GABPB2: variants seen among roughly 807,000 people sequenced by gnomAD.
GABPB2 encodes the protein GA binding protein transcription factor subunit beta 2.
Under a neutral mutation model 39.1 loss-of-function variants are expected in GABPB2, and 23 were observed. The ratio of observed to expected loss-of-function variants is 0.59; its 90% confidence interval spans 0.42 to 0.83. The LOEUF (loss-of-function observed/expected upper bound fraction) is 0.83, where lower values mean the gene tolerates loss of function less well. Ranked by LOEUF, GABPB2 falls within the 40% of genes least tolerant of loss-of-function variation. GABPB2 has a pLI of 0.00. For missense variants in GABPB2, 467 were observed against 541.1 expected (o/e 0.86, Z 1.36); for synonymous variants, 184 against 199.3 (o/e 0.92, Z 0.65).
rs141101265 is a variant in GABPB2 at position 151,100,289 on chromosome 1, C to T, written c.622+2287C>T. On this transcript the variant is annotated intron_variant, in intron 5 of 8. Transcript: ENST00000368918. ...CCTCCCGAGTAGCTGGGATTACAGG[C>T]GCCTGCCACCATGCCTGGCTAATTT... 4.4e-3 allele frequency among the ~76,000 whole-genome samples: 674 copies of T among 152,012 alleles called. 4 individuals carry two copies. Among genetic ancestry groups the T allele is most frequent in the African/African-American group, 0.015 (643 of 41,496 alleles).
chr1:151,078,286 AAG>A (rs1253300794), intron 1 of GABPB2, among the ~76,000 whole-genome samples: 7 of 149,994 alleles, frequency 4.7e-5, no homozygotes, highest in African/African-American at 7.4e-5. Flanking sequence ...AAAAAAAAAA[AAG>A]AGTAAGAATA....
rs1045265719 is a variant in GABPB2, at chr1:151,113,545, A to T, written c.923-3847A>T. ...CTGGCCAAATCTTCTGTTTTAAAAT[A>T]ATCATAATATATCCTAAAACGTAAA... On this transcript the variant is annotated intron_variant, in intron 7 of 8. Coordinates refer to ENST00000368918, the MANE Select transcript of GABPB2 (RefSeq NM_144618.3). Among the ~76,000 whole-genome samples, 67 of 152,238 alleles carry T rather than the reference A, an allele frequency of 4.4e-4. 1 individual carries two copies. The highest frequency in any genetic ancestry group is 1.6e-3 in the African/African-American group (66 of 41,554).
intron 1 of GABPB2, 86 bp from the exon 2 acceptor site, chr1:151,088,104 A>G (rs1170128300): frequency 3.4e-6 from 3 of 881,230 alleles, no homozygotes; most frequent in Non-Finnish European, 5.5e-6. Flanking sequence ...ACATTCAAAT[A>G]TAAGAAGTCT....
chr1:151,122,164 C>CA lies in GABPB2; in HGVS notation c.*3913dup, dbSNP rs1162052340. ...GAATTGGTTATTAGAGATTTATAGG[C>CA]AAAAATATCAGTTTGGAAATTAACC... On this transcript the variant is annotated 3_prime_UTR_variant, in exon 9 of 9. Transcript: ENST00000368918. The CA allele has an allele frequency of 6.6e-6, 1 of 152,068 alleles. No individual in the cohort carries two copies. Among genetic ancestry groups the CA allele is most frequent in the Non-Finnish European group, 1.5e-5 (1 of 68,020 alleles). The allele number at this position is 152,068 out of a possible 1,614,324, so 9.4% of individuals were successfully genotyped here.
intron 7 of GABPB2, among the ~76,000 whole-genome samples, chr1:151,108,732 A>G (rs185301593): frequency 3.7e-4 from 57 of 152,296 alleles, no homozygotes; most frequent in Non-Finnish European, 6.9e-4. Flanking sequence ...AGGGAGGGCA[A>G]TTGGGTACTA....
chr1:151,087,201 G>A (rs1279130836), intron 1 of GABPB2, among the ~76,000 whole-genome samples: 1 of 151,242 alleles, frequency 6.6e-6, no homozygotes, highest in East Asian at 2.0e-4. Context: ...TGCCTAGGCT[G>A]GTCTCAAACT....
intron 4 of GABPB2, among the ~76,000 whole-genome samples, chr1:151,094,920 G>C (rs1678995999): frequency 6.7e-6 from 1 of 150,302 alleles, no homozygotes; most frequent in Admixed American, 6.7e-5. Context: ...TGAAGCAGGA[G>C]AATCACTTGA....
At chr1:151,107,333 C>A in intron 7 of GABPB2, 111 bp downstream of exon 7, 10 of 588,568 alleles carry the variant, frequency 1.7e-5, no homozygotes, top group East Asian at 3.8e-5. Flanking sequence ...TTGCCAGATG[C>A]AAGTTGGGGC....
chr1:151,107,332 G>C (rs1190246053), intron 7 of GABPB2, 110 bp downstream of exon 7: 2 of 641,028 alleles, frequency 3.1e-6, no homozygotes, highest in East Asian at 6.8e-5. Flanking sequence ...ATTGCCAGAT[G>C]CAAGTTGGGG....
At chr1:151,084,295 G>A (rs1413684275) in intron 1 of GABPB2, among the ~76,000 whole-genome samples, 2 of 151,438 alleles carry the variant, frequency 1.3e-5, no homozygotes. Flanking sequence ...CGGGATCTCG[G>A]CTCACCGCAA....
intron 1 of GABPB2, among the ~76,000 whole-genome samples, chr1:151,072,472 G>A (rs931515508): frequency 2.6e-5 from 4 of 152,096 alleles, no homozygotes; most frequent in African/African-American, 9.7e-5. Flanking sequence ...TGGGAGGATC[G>A]CTTGAGGTCG....
intron 7 of GABPB2, among the ~76,000 whole-genome samples, chr1:151,114,705 G>T (rs587649443): frequency 6.6e-6 from 1 of 151,096 alleles, no homozygotes; most frequent in Non-Finnish European, 1.5e-5. Context: ...CAAAAGAAAA[G>T]AAAAGAAAAC....
At chr1:151,074,011 C>G (rs1437151906) in intron 1 of GABPB2, among the ~76,000 whole-genome samples, 1 of 137,134 alleles carries the variant, frequency 7.3e-6, no homozygotes, top group Non-Finnish European at 1.5e-5. Flanking sequence ...GAGTCTTGCT[C>G]TGTCGCCCAG....
chr1:151,106,181 C>A (rs1280160634), intron 6 of GABPB2, among the ~76,000 whole-genome samples: 1 of 151,260 alleles, frequency 6.6e-6, no homozygotes, highest in African/African-American at 2.4e-5. Context: ...AGGCTGGTCT[C>A]GAACCCCTGA....
At chr1:151,091,267 T>C (rs951797531) in intron 3 of GABPB2, among the ~76,000 whole-genome samples, 2 of 150,894 alleles carry the variant, frequency 1.3e-5, no homozygotes, top group Admixed American at 6.6e-5. Flanking sequence ...TTTGTATTTT[T>C]AGTAGAGACG....
At chr1:151,102,770 G>A (rs1679638010) in intron 5 of GABPB2, among the ~76,000 whole-genome samples, 1 of 152,108 alleles carries the variant, frequency 6.6e-6, no homozygotes, top group Admixed American at 6.6e-5. Flanking sequence ...AACTATTCTT[G>A]TACTAGAGGT....
At chr1:151,071,649 T>C (rs1210545417) in intron 1 of GABPB2, among the ~76,000 whole-genome samples, 2 of 152,126 alleles carry the variant, frequency 1.3e-5, no homozygotes, top group Non-Finnish European at 2.9e-5. Context: ...TTTGTATATT[T>C]TTAATAGAGA....
chr1:151,113,313 A>G (rs1680609600), intron 7 of GABPB2, among the ~76,000 whole-genome samples: 2 of 151,960 alleles, frequency 1.3e-5, no homozygotes, highest in South Asian at 4.2e-4. Context: ...CTAAAAATAC[A>G]AAAAAATTAG....
At chr1:151,116,737 A>G (rs914557885) in intron 7 of GABPB2, among the ~76,000 whole-genome samples, 3 of 151,980 alleles carry the variant, frequency 2.0e-5, no homozygotes, top group Non-Finnish European at 4.4e-5. Context: ...CCTCCCAAGT[A>G]GCTGGAATTA....
Sources: gnomAD v4.1 joint callset for allele counts (sites outside exome capture counted in the v4.1 genomes callset) on GRCh38, gnomAD v4.1.1 for gene constraint, MANE v1.5 for transcripts, NCBI Gene and HGNC (gene_info 2026-07-23, HGNC 2026-07-21) for gene names.